The following STYXL1 variants were observed in gnomAD, a reference collection of about 807,000 sequenced individuals.
The protein encoded by STYXL1 is serine/threonine/tyrosine interacting like 1, also known as serine/threonine/tyrosine-interacting-like protein 1.
In STYXL1, 32 loss-of-function variants were observed where a neutral mutation model predicts 36.4. The ratio of observed to expected loss-of-function variants is 0.88; its 90% confidence interval spans 0.66 to 1.18. The LOEUF (loss-of-function observed/expected upper bound fraction) is 1.18. Ranked by LOEUF, STYXL1 falls within the 50% of genes most tolerant of loss-of-function variation. The pLI is 0.00. For synonymous variants in STYXL1, 133 were observed against 144.1 expected (o/e 0.92, Z 0.55); for missense variants, 354 against 394.1 (o/e 0.90, Z 0.86).
chr7:76,025,071 G>C (rs1048085973), intron 3 of STYXL1, among the ~76,000 whole-genome samples: 1 of 151,384 alleles, frequency 6.6e-6, no homozygotes, highest in Admixed American at 6.6e-5. Flanking sequence ...TAAGGTGTCA[G>C]GTGAGAGTGG....
intron 7 of STYXL1, among the ~76,000 whole-genome samples, chr7:76,003,353 G>A (rs534229078): frequency 3.2e-4 from 49 of 152,224 alleles, no homozygotes; most frequent in Middle Eastern, 3.4e-3. Flanking sequence ...CCATTCCACC[G>A]ACATCCCACA....
At chr7:76,031,708 C>T (rs1795354064) in intron 1 of STYXL1, among the ~76,000 whole-genome samples, 2 of 117,282 alleles carry the variant, frequency 1.7e-5, no homozygotes, top group South Asian at 5.8e-4. Flanking sequence ...GAATAAGACT[C>T]CATCTCAAAA....
intron 5 of STYXL1, among the ~76,000 whole-genome samples, chr7:76,005,798 CGAGA>C (rs144616727): frequency 5.6e-5 from 8 of 143,902 alleles, no homozygotes; most frequent in Non-Finnish European, 9.1e-5. Context: ...ATTTAAGCAT[CGAGA>C]GAGAGAGAGA....
At chr7:76,030,069 C>T (rs1554578793) in intron 2 of STYXL1, among the ~76,000 whole-genome samples, 3 of 151,990 alleles carry the variant, frequency 2.0e-5, no homozygotes, top group African/African-American at 4.8e-5. Flanking sequence ...GCCCAAATCT[C>T]GGCTCACTCC....
intron 1 of STYXL1, among the ~76,000 whole-genome samples, chr7:76,031,661 G>T (rs556136246): frequency 8.7e-5 from 13 of 150,270 alleles, no homozygotes; most frequent in Middle Eastern, 3.4e-3. Context: ...GTTGAAGTGA[G>T]CCAAGATTGC....
intron 4 of STYXL1, among the ~76,000 whole-genome samples, chr7:76,016,025 A>G (rs148332652): frequency 6.6e-6 from 1 of 152,098 alleles, no homozygotes; most frequent in African/African-American, 2.4e-5. Flanking sequence ...CAGACAGCCT[A>G]TTGTGGGACC....
intron 4 of STYXL1, among the ~76,000 whole-genome samples, chr7:76,014,249 A>G (rs966491127): frequency 1.3e-5 from 2 of 152,166 alleles, no homozygotes; most frequent in South Asian, 4.1e-4. Context: ...TGCTGAGATT[A>G]CAGGCGTGAG....
chr7:76,022,940 TAAAAC>T (rs1331478600), intron 3 of STYXL1, among the ~76,000 whole-genome samples: 1 of 151,296 alleles, frequency 6.6e-6, no homozygotes, highest in Non-Finnish European at 1.5e-5. Context: ...AAAACAAAAA[TAAAAC>T]AAAAACAAAA....
intron 1 of STYXL1, among the ~76,000 whole-genome samples, chr7:76,034,962 G>A (rs782801424): frequency 2.6e-5 from 4 of 151,264 alleles, no homozygotes; most frequent in Admixed American, 6.6e-5. Flanking sequence ...AGGGTGCCTG[G>A]TAGACATCGT....
At chr7:76,046,329 TGTGTGTGTGTGCGCGCGC>T (rs1169448027) in intron 1 of STYXL1, among the ~76,000 whole-genome samples, 356 of 12,298 alleles carry the variant, frequency 0.029, 1 homozygote, top group Middle Eastern at 0.083. Context: ...TGTGTGTGTG[TGTGTGTGTGTGCGCGCGC>T]GCGCGCGCGC....
chr7:75,999,545 G>T (rs1326657810), intron 8 of STYXL1, among the ~76,000 whole-genome samples: 1 of 142,720 alleles, frequency 7.0e-6, no homozygotes, highest in Non-Finnish European at 1.5e-5. Context: ...GTGTGTGTGT[G>T]TGTGTGTATA....
At chr7:76,035,817 A>G (rs1045790475) in intron 1 of STYXL1, among the ~76,000 whole-genome samples, 1 of 149,862 alleles carries the variant, frequency 6.7e-6, no homozygotes, top group South Asian at 2.2e-4. Context: ...CTCACTAGCC[A>G]AAGAATCATC....
At chr7:76,005,192 TAAAA>T (rs1331200486) in intron 6 of STYXL1, 63 bp downstream of exon 6, 9 of 972,404 alleles carry the variant, frequency 9.3e-6, no homozygotes, top group Non-Finnish European at 1.2e-5. Flanking sequence ...AAAAAATAAA[TAAAA>T]TAAATTTAAA....
At chr7:76,000,813 C>T (rs1220514534) in intron 8 of STYXL1, 77 bp downstream of exon 8, 1 of 1,320,808 alleles carries the variant, frequency 7.6e-7, no homozygotes, top group Non-Finnish European at 1.1e-6. Flanking sequence ...GCTGGGGCCC[C>T]ACTCCTCCCA....
chr7:76,007,465 G>A (rs1415816992), intron 5 of STYXL1, among the ~76,000 whole-genome samples: 1 of 152,054 alleles, frequency 6.6e-6, no homozygotes, highest in South Asian at 2.1e-4. Context: ...TAGGTTAGAC[G>A]CAAATACTAC....
chr7:76,016,147 TGTATAGATATAA>T (rs1793282973), intron 4 of STYXL1, among the ~76,000 whole-genome samples: 1 of 152,054 alleles, frequency 6.6e-6, no homozygotes, highest in African/African-American at 2.4e-5. Flanking sequence ...CATATGTACA[TGTATAGATATAA>T]GTATATACAT....
chr7:76,038,706 G>T (rs929658553), intron 1 of STYXL1, among the ~76,000 whole-genome samples: 1 of 150,108 alleles, frequency 6.7e-6, no homozygotes, highest in Non-Finnish European at 1.5e-5. Context: ...GATTACAGGC[G>T]TGAGCCACCG....
Position 75,996,420 on chromosome 7 carries a change from GCC to G in STYXL1, c.*46_*47del. 1 of 1,613,856 alleles carries G rather than the reference GCC, an allele frequency of 6.2e-7. No individual in the cohort carries two copies. Among genetic ancestry groups the G allele is most frequent in the South Asian group, 1.1e-5 (1 of 91,046 alleles). On this transcript the variant is annotated 3_prime_UTR_variant, in exon 9 of 9. Coordinates refer to ENST00000359697, the MANE Select transcript of STYXL1 (RefSeq NM_001317785.2). Reference sequence around the variant, plus strand: ...CACTCTGGCCCTCCACCCACAAAATGCCCCCAGGTGAGGCTCTTCAGTACCCT... The same window carrying G: ...CACTCTGGCCCTCCACCCACAAAATGCCCAGGTGAGGCTCTTCAGTACCCT...
chr7:76,022,435 G>C (rs1554576519), intron 3 of STYXL1, among the ~76,000 whole-genome samples: 1 of 151,952 alleles, frequency 6.6e-6, no homozygotes, highest in African/African-American at 2.4e-5. Context: ...CAAGGCAGGA[G>C]GATTGCTTGA....
Sources: allele counts gnomAD v4.1 joint callset (sites outside exome capture counted in the v4.1 genomes callset), GRCh38; gene constraint gnomAD v4.1.1; transcripts MANE v1.5; gene names NCBI Gene and HGNC (gene_info 2026-07-23, HGNC 2026-07-21).